The following TUT4 variants were observed in gnomAD, a reference collection of about 807,000 sequenced individuals.
The protein encoded by TUT4 is terminal uridylyl transferase 4.
A neutral mutation model predicts 192.2 loss-of-function variants in TUT4; 36 were observed. The observed-to-expected ratio is 0.19, with a 90% CI of 0.14 to 0.25. The LOEUF (loss-of-function observed/expected upper bound fraction) is 0.25. Ranked by LOEUF, TUT4 falls within the 10% of genes least tolerant of loss-of-function variation. The pLI, the probability that TUT4 is intolerant of heterozygous loss-of-function variation, is 1.00. For synonymous variants in TUT4, 618 were observed against 666.0 expected, an observed-to-expected ratio of 0.93 and a Z score of 1.11; for missense variants, 1,493 against 1,957.2, an observed-to-expected ratio of 0.76 and a Z score of 4.47.
chr1:52,511,956 G>GC (rs1188777087), intron 3 of TUT4, among the ~76,000 whole-genome samples: 1 of 151,954 alleles, frequency 6.6e-6, no homozygotes, highest in Non-Finnish European at 1.5e-5. Context: ...TTAGTTCAAG[G>GC]TGAGAGTGGT....
intron 2 of TUT4, 129 bp downstream of exon 2, chr1:52,525,434 A>G: frequency 8.4e-7 from 1 of 1,185,710 alleles, no homozygotes; most frequent in Non-Finnish European, 1.1e-6. Context: ...ATTAATGTGG[A>G]TGTTTTCATA....
intron 26 of TUT4, among the ~76,000 whole-genome samples, chr1:52,436,343 G>A (rs1364629977): frequency 2.0e-5 from 3 of 152,110 alleles, no homozygotes; most frequent in Non-Finnish European, 4.4e-5. Flanking sequence ...AAAATTAGCT[G>A]GGCGTGGTGG....
At chr1:52,469,694 T>C (rs529490104) in intron 14 of TUT4, among the ~76,000 whole-genome samples, 1 of 151,990 alleles carries the variant, frequency 6.6e-6, no homozygotes, top group Non-Finnish European at 1.5e-5. Flanking sequence ...ATCAAGACCA[T>C]CCTGGCTAAC....
chr1:52,548,472 A>G (rs1688634236), intron 1 of TUT4, among the ~76,000 whole-genome samples: 1 of 152,188 alleles, frequency 6.6e-6, no homozygotes. Flanking sequence ...AACACAGTAC[A>G]GTGGCAAAGA....
At position 52,487,161 on chromosome 1, in the gene TUT4, C is replaced by G. The variant is rs545427698; in HGVS notation, c.1515+1748G>C. 2.0e-5 allele frequency among the ~76,000 whole-genome samples: 3 copies of G among 152,138 alleles called. No individual in the cohort carries two copies. The East Asian group carries it at 5.8e-4, about 29-fold the overall frequency. On this transcript the variant is annotated intron_variant, in intron 9 of 29. Coordinates refer to ENST00000257177, the MANE Select transcript of TUT4 (RefSeq NM_001009881.3). ...TGAAGTACCTTGCTTGAAGACTTAG[C>G]AAAGCTGGGTGCTGTGGCTCACACC...
chr1:52,481,829 A>G lies in TUT4; in HGVS notation c.1610T>C (p.Leu537Pro), dbSNP rs1318682074. ...CCAACTTCCAAGTAAGCAAGGAAGA[A>G]GAGGGGGTTTTCTCTGTTGTAGAAA... Reference protein sequence around the residue: ...MFFLQQRKPPLLPCLLGSWIE... With the variant: ...MFFLQQRKPPPLPCLLGSWIE... The change falls in exon 10 of 30, where the codon CTT becomes CCT. Residue 537 changes from leucine (L) to proline (P), a missense_variant. Physicochemically the swap from Leu to Pro is moderately conservative, Grantham distance 98 (BLOSUM62 -3). This residue lies in a region of TUT4 where 437 missense variants were observed against 577.6 expected (regional missense o/e 0.76). Transcript: ENST00000257177. The G allele has an allele frequency of 6.3e-7, 1 of 1,595,522 alleles. No homozygotes were observed. Among genetic ancestry groups the G allele is most frequent in the Non-Finnish European group, 8.5e-7 (1 of 1,175,250 alleles).
At chr1:52,438,767 C>T (rs1383187891) in intron 24 of TUT4, among the ~76,000 whole-genome samples, 1 of 152,132 alleles carries the variant, frequency 6.6e-6, no homozygotes, top group African/African-American at 2.4e-5. Flanking sequence ...AGGAATTATT[C>T]TCTGTACAAA....
rs1341603199 is a variant in TUT4 at position 52,543,570 on chromosome 1, G to A, written c.-94+9361C>T. On this transcript the variant is annotated intron_variant, in intron 1 of 29. Transcript: ENST00000257177. ...GCAATCTCAGCTCACTGCAACCTCC[G>A]CCTCCCGGGTTCAAGCGATTCTCCT... Among the ~76,000 whole-genome samples, 8 of 145,846 alleles carry A rather than the reference G, an allele frequency of 5.5e-5. No individual in the cohort carries two copies. In the South Asian group the frequency reaches 1.5e-3, roughly 27 times the overall value.
At chr1:52,441,444 ATTTTTTTTT>A (rs557710242) in intron 24 of TUT4, among the ~76,000 whole-genome samples, 2 of 119,984 alleles carry the variant, frequency 1.7e-5, no homozygotes, top group African/African-American at 3.7e-5. Context: ...TCTCGGCTAA[ATTTTTTTTT>A]TTTTTTTTTT....
chr1:52,487,585 T>TG (rs1166187609), intron 9 of TUT4, among the ~76,000 whole-genome samples: 2 of 152,136 alleles, frequency 1.3e-5, no homozygotes, highest in African/African-American at 4.8e-5. Context: ...CCTATTTTAC[T>TG]GCCTCCACTC....
intron 20 of TUT4, among the ~76,000 whole-genome samples, chr1:52,456,317 T>A (rs1262273805): frequency 6.7e-6 from 1 of 148,474 alleles, no homozygotes; most frequent in East Asian, 2.0e-4. Context: ...GCAAGAGAAT[T>A]GCTTTAATCG....
At chr1:52,447,309 C>T (rs983067523) in intron 20 of TUT4, among the ~76,000 whole-genome samples, 5 of 151,880 alleles carry the variant, frequency 3.3e-5, no homozygotes, top group Admixed American at 2.0e-4. Flanking sequence ...ATTAGCTGGG[C>T]GTGGTGGCGT....
intron 2 of TUT4, among the ~76,000 whole-genome samples, chr1:52,523,117 C>A (rs142765596): frequency 0.012 from 1,824 of 150,836 alleles, 48 homozygotes; most frequent in African/African-American, 0.043. Context: ...CTCAGCCTCC[C>A]GAGTAGCTTA....
At chr1:52,448,588 CAAAAAAAAAAAAAAA>C (rs1190767355) in intron 20 of TUT4, among the ~76,000 whole-genome samples, 3 of 40,812 alleles carry the variant, frequency 7.4e-5, no homozygotes, top group African/African-American at 2.7e-4. Flanking sequence ...GATTCTGTCT[CAAAAAAAAAAAAAAA>C]AAAAAAAAAA....
chr1:52,531,972 C>T (rs1683571984), intron 1 of TUT4, among the ~76,000 whole-genome samples: 1 of 146,880 alleles, frequency 6.8e-6, no homozygotes, highest in Non-Finnish European at 1.5e-5. Context: ...ACTGCAACCT[C>T]CACTTCCCAG....
At position 52,430,693 on chromosome 1, in the gene TUT4, A is replaced by T. The variant is rs536170199; in HGVS notation, c.4711+320T>A. 6.2e-4 allele frequency among the ~76,000 whole-genome samples: 94 copies of T among 152,360 alleles called. 3 individuals are homozygous for T. In the South Asian group the frequency reaches 0.019, roughly 31 times the overall value. ...AACTGAGTGGCAGTGAAAATTTTTTAAAATACTAAAATAATAGCTAACATT... is the reference window on the plus strand; with the variant it reads ...AACTGAGTGGCAGTGAAAATTTTTTTAAATACTAAAATAATAGCTAACATT... On this transcript the variant is annotated intron_variant, in intron 28 of 29. Coordinates refer to ENST00000257177, the MANE Select transcript of TUT4 (RefSeq NM_001009881.3).
In TUT4 at chr1:52,431,368, T is replaced by A; in HGVS notation, c.4356A>T (p.Gly1452=). 1 of 1,614,096 alleles carries A rather than the reference T, an allele frequency of 6.2e-7. No homozygotes were observed. The highest frequency in any genetic ancestry group is 8.5e-7 in the Non-Finnish European group (1 of 1,180,018). The change falls in exon 28 of 30, where the codon GGA becomes GGT. Residue 1452 remains glycine (G), a synonymous_variant. Transcript: ENST00000257177. Reference sequence around the variant, plus strand: ...GAGGTGGGCCAAGCTTAGGTTGGGATCCTGGCTGAGATGAAGGCTGAGTAA... The same window carrying A: ...GAGGTGGGCCAAGCTTAGGTTGGGAACCTGGCTGAGATGAAGGCTGAGTAA... ...AAITQPSSQP[G]SQPKLGPPQQ...
chr1:52,446,169 G>A (rs1298233221), intron 22 of TUT4, 96 bp downstream of exon 22: 7 of 1,394,690 alleles, frequency 5.0e-6, no homozygotes, highest in Non-Finnish European at 3.9e-6. Context: ...GATAAAAGAG[G>A]AAGAATCTTC....
At chr1:52,461,428 C>G (rs1662527230) in intron 18 of TUT4, 85 bp downstream of exon 18, 1 of 1,359,782 alleles carries the variant, frequency 7.4e-7, no homozygotes, top group African/African-American at 1.5e-5. Flanking sequence ...ATACTGTTCA[C>G]ATTTGAAAGT....
Sources: gnomAD v4.1 joint callset for allele counts (sites outside exome capture counted in the v4.1 genomes callset) on GRCh38, gnomAD v4.1.1 for gene constraint, gnomAD v4.1.1 regional missense constraint, MANE v1.5 for transcripts, NCBI Gene and HGNC (gene_info 2026-07-23, HGNC 2026-07-21) for gene names.